CDK5RAP1: variants seen among roughly 807,000 people sequenced by gnomAD.
CDK5RAP1 encodes CDK5RAP1 mitochondrial tRNA methylthiotransferase.
In CDK5RAP1, 62 loss-of-function variants were observed where a neutral mutation model predicts 64.5. The ratio of observed to expected loss-of-function variants is 0.96; its 90% CI spans 0.78 to 1.19. The LOEUF is 1.19. CDK5RAP1 is among the 50% of genes most tolerant of loss of function. The pLI is 0.00. For missense variants in CDK5RAP1, 657 were observed against 735.0 expected, an observed-to-expected ratio of 0.89 and a Z score of 1.23; for synonymous variants, 250 against 261.9, an observed-to-expected ratio of 0.95 and a Z score of 0.44.
chr20:33,361,125 T>C lies in CDK5RAP1; in HGVS notation c.1543-634A>G, dbSNP rs117638750. Among the ~76,000 whole-genome samples, 630 of 152,232 alleles carry C rather than the reference T, an allele frequency of 4.1e-3. 3 individuals carry two copies. The highest frequency in any genetic ancestry group is 7.2e-3 in the Non-Finnish European group (492 of 68,014). On this transcript the variant is annotated intron_variant, in intron 12 of 13. Transcript: ENST00000346416. ...CTGTTTTCGGATACTGGACAAGAGA[T>C]CATACAAGACTGTGAGCTGTGAGAG...
At chr20:33,377,250 A>C (rs1986126529) in intron 8 of CDK5RAP1, among the ~76,000 whole-genome samples, 1 of 152,198 alleles carries the variant, frequency 6.6e-6, no homozygotes, top group Non-Finnish European at 1.5e-5. Flanking sequence ...TCTCTTCTCT[A>C]GCTATGAAAG....
chr20:33,367,073 T>C, intron 11 of CDK5RAP1, 65 bp from the exon 12 acceptor site: 1 of 1,500,092 alleles, frequency 6.7e-7, no homozygotes. Context: ...CTATTCTTAA[T>C]GCACAGAGGG....
At chr20:33,380,485 T>C (rs1986603528) in intron 7 of CDK5RAP1, among the ~76,000 whole-genome samples, 1 of 152,134 alleles carries the variant, frequency 6.6e-6, no homozygotes, top group African/African-American at 2.4e-5. Context: ...TAAATAACTA[T>C]TGATTTTCAT....
intron 1 of CDK5RAP1, among the ~76,000 whole-genome samples, chr20:33,400,134 G>A (rs1464357357): frequency 1.3e-5 from 2 of 152,240 alleles, no homozygotes; most frequent in Admixed American, 6.5e-5. Context: ...AACTAATTCC[G>A]TGGCCAATCT....
rs190849728 is a variant in CDK5RAP1, at chr20:33,372,498, G to A, written c.1261+144C>T. The stretch of plus-strand genomic sequence containing the variant: ...CAGAAAGACATAAAAGAAAGAATAC[G>A]AGGAGAGAGAAAGAGAAAGAAGAAG... On this transcript the variant is annotated intron_variant, in intron 10 of 13. Coordinates refer to ENST00000346416, the MANE Select transcript of CDK5RAP1 (RefSeq NM_016408.4). The A allele has an allele frequency of 6.3e-5, 31 of 488,540 alleles. No homozygotes were observed. In the East Asian group the frequency reaches 6.6e-4, roughly 10 times the overall value. 30.3% of individuals were successfully genotyped at this position (488,540 alleles called of 1,614,324 possible).
chr20:33,383,989 TC>T (rs1486164622), intron 7 of CDK5RAP1, among the ~76,000 whole-genome samples: 1 of 152,166 alleles, frequency 6.6e-6, no homozygotes, highest in African/African-American at 2.4e-5. Context: ...ATTATACTAT[TC>T]CCTCTTTTCA....
rs184023760 is a variant in CDK5RAP1, at chr20:33,387,311, G to T, written c.755+12C>A. The T allele has an allele frequency of 1.7e-5, 27 of 1,598,350 alleles. No homozygotes were observed. The East Asian group carries it at 6.0e-4, about 36-fold the overall frequency. On this transcript the variant is annotated intron_variant, in intron 6 of 13. Coordinates refer to ENST00000346416, the MANE Select transcript of CDK5RAP1 (RefSeq NM_016408.4). ...AAGAGGCTTATTCCCTATCTCTTAG[G>T]CAGTGACTCACACAAAGGCAGACGT...
intron 3 of CDK5RAP1, 129 bp downstream of exon 3, chr20:33,394,884 G>T: frequency 1.5e-6 from 1 of 676,798 alleles, no homozygotes; most frequent in Admixed American, 2.1e-5. Context: ...GTCCCATGGT[G>T]AACACTTCAC....
chr20:33,383,270 A>C (rs1345965903), intron 7 of CDK5RAP1, among the ~76,000 whole-genome samples: 3 of 152,118 alleles, frequency 2.0e-5, no homozygotes, highest in African/African-American at 7.2e-5. Flanking sequence ...ATACTGAAGG[A>C]TGAAACAACA....
intron 8 of CDK5RAP1, among the ~76,000 whole-genome samples, chr20:33,378,193 A>C (rs1286015010): frequency 6.6e-6 from 1 of 152,148 alleles, no homozygotes; most frequent in Non-Finnish European, 1.5e-5. Flanking sequence ...TCACTTGAGC[A>C]CTTTAGAGGC....
chr20:33,381,149 G>C (rs749052754), intron 7 of CDK5RAP1, among the ~76,000 whole-genome samples: 6 of 152,054 alleles, frequency 3.9e-5, no homozygotes, highest in Non-Finnish European at 7.4e-5. Flanking sequence ...TGTTAACACT[G>C]CACCCCATTT....
chr20:33,386,090 G>A (rs531244930), intron 6 of CDK5RAP1, among the ~76,000 whole-genome samples: 5 of 152,180 alleles, frequency 3.3e-5, no homozygotes, highest in Non-Finnish European at 5.9e-5. Flanking sequence ...TGTTTGAGAC[G>A]GAGTCTCACT....
intron 7 of CDK5RAP1, among the ~76,000 whole-genome samples, chr20:33,380,807 C>T (rs1166900131): frequency 6.6e-6 from 1 of 152,120 alleles, no homozygotes; most frequent in African/African-American, 2.4e-5. Flanking sequence ...TTCAGACCAG[C>T]CTGGCTAACA....
At chr20:33,369,764 A>T (rs775348641) in intron 11 of CDK5RAP1, among the ~76,000 whole-genome samples, 2 of 151,992 alleles carry the variant, frequency 1.3e-5, no homozygotes, top group African/African-American at 2.4e-5. Flanking sequence ...AAAACAAAAA[A>T]ATTAGTTTGG....
In CDK5RAP1 at chr20:33,392,124, G is replaced by A; in HGVS notation, c.544+18C>T. 1 of 1,505,846 alleles carries A rather than the reference G, an allele frequency of 6.6e-7. No homozygotes were observed. Among genetic ancestry groups the A allele is most frequent in the Non-Finnish European group, 9.2e-7 (1 of 1,086,656 alleles). 93.3% of individuals were successfully genotyped at this position (1,505,846 alleles called of 1,614,324 possible). A position where few individuals can be genotyped will look rare whatever the true frequency, so the allele number is the denominator to read the frequency against. Reference sequence around the variant, plus strand: ...GTCCAAGTTTCAAAGCTGACAAAATGTGCAAATTACCAGATACCTAGAATT... The same window carrying A: ...GTCCAAGTTTCAAAGCTGACAAAATATGCAAATTACCAGATACCTAGAATT... On this transcript the variant is annotated intron_variant, in intron 5 of 13. Transcript: ENST00000346416.
chr20:33,399,718 G>A (rs1989219293), intron 1 of CDK5RAP1, among the ~76,000 whole-genome samples: 1 of 152,154 alleles, frequency 6.6e-6, no homozygotes, highest in Non-Finnish European at 1.5e-5. Flanking sequence ...CAGGCATTTA[G>A]ATTCTTACAA....
intron 12 of CDK5RAP1, among the ~76,000 whole-genome samples, chr20:33,364,488 G>A (rs183736247): frequency 1.9e-4 from 29 of 152,030 alleles, no homozygotes; most frequent in East Asian, 5.8e-4. Flanking sequence ...CGCCTGGCCC[G>A]AAGAAGTATC....
intron 12 of CDK5RAP1, among the ~76,000 whole-genome samples, chr20:33,365,362 C>T (rs912727569): frequency 4.6e-5 from 7 of 151,898 alleles, no homozygotes; most frequent in African/African-American, 1.5e-4. Context: ...ACCTCCGCCT[C>T]CCAGGTTCAA....
In CDK5RAP1 at chr20:33,387,517, C is replaced by T. The variant is rs938801120; in HGVS notation, c.561G>A (p.Arg187=). Residue 187 remains arginine (R), a synonymous_variant, in exon 6 of 14, where the codon AGG becomes AGA. Coordinates refer to ENST00000346416, the MANE Select transcript of CDK5RAP1 (RefSeq NM_016408.4). ...RIGILGCMAE[R]LKEEILNREK... ...CTCTGTTGAGAATCTCCTCCTTCAA[C>T]CTCTCAGCCATGCAGCCTGGAAGGG... 2 of 1,614,060 alleles carry T rather than the reference C, an allele frequency of 1.2e-6. No individual in the cohort carries two copies. The highest frequency in any genetic ancestry group is 1.3e-5 in the African/African-American group (1 of 75,032).
Sources: allele counts gnomAD v4.1 joint callset (sites outside exome capture counted in the v4.1 genomes callset), GRCh38; gene constraint gnomAD v4.1.1; transcripts MANE v1.5; gene names NCBI Gene and HGNC (gene_info 2026-07-23, HGNC 2026-07-21).